Variants in SGCZ observed in about 807,000 individuals in gnomAD.
SGCZ encodes the protein zeta-sarcoglycan.
Under a neutral mutation model 41.3 loss-of-function variants are expected in SGCZ, and 40 were observed. The ratio of observed to expected loss-of-function variants is 0.97; its 90% CI spans 0.75 to 1.26. The LOEUF is 1.26. SGCZ is among the 50% of genes most tolerant of loss of function. The pLI, the probability that SGCZ is intolerant of heterozygous loss-of-function variation, is 0.00. For missense variants in SGCZ, 552 were observed against 369.8 expected (o/e 1.49, Z -4.04); for synonymous variants, 206 against 137.5 (o/e 1.50, Z -3.49).
intron 1 of SGCZ, among the ~76,000 whole-genome samples, chr8:15,051,752 G>A (rs564926065): frequency 9.2e-5 from 14 of 152,274 alleles, no homozygotes; most frequent in African/African-American, 3.1e-4. Context: ...TGAAATTCAT[G>A]TTTATTTAAA....
At chr8:14,741,003 C>T (rs147491573) in intron 1 of SGCZ, among the ~76,000 whole-genome samples, 1 of 152,050 alleles carries the variant, frequency 6.6e-6, no homozygotes, top group African/African-American at 2.4e-5. Context: ...TAATTGGCAC[C>T]TTTAATTATG....
intron 7 of SGCZ, among the ~76,000 whole-genome samples, chr8:14,100,506 T>A (rs1287456475): frequency 6.7e-6 from 1 of 148,204 alleles, no homozygotes; most frequent in East Asian, 1.9e-4. Context: ...GAAATCCTGA[T>A]ATTAATATAT....
intron 3 of SGCZ, among the ~76,000 whole-genome samples, chr8:14,299,681 C>G (rs540542306): frequency 6.6e-6 from 1 of 151,932 alleles, no homozygotes; most frequent in South Asian, 2.1e-4. Flanking sequence ...GGTTGTAGAG[C>G]AATGGGATCT....
chr8:15,032,376 A>G (rs889362519), intron 1 of SGCZ, among the ~76,000 whole-genome samples: 1 of 152,166 alleles, frequency 6.6e-6, no homozygotes, highest in Admixed American at 6.5e-5. Flanking sequence ...CCAACCCTAC[A>G]TACCATGGTG....
At chr8:14,133,992 A>T (rs554762588) in intron 5 of SGCZ, among the ~76,000 whole-genome samples, 56 of 152,298 alleles carry the variant, frequency 3.7e-4, no homozygotes, top group African/African-American at 1.3e-3. Context: ...TTTCAAATTG[A>T]TCCACCAGAA....
At chr8:14,431,852 TC>T (rs1416517057) in intron 2 of SGCZ, among the ~76,000 whole-genome samples, 1 of 151,724 alleles carries the variant, frequency 6.6e-6, no homozygotes, top group Admixed American at 6.6e-5. Context: ...AACAATCCCA[TC>T]AAAAAGTGGG....
At chr8:14,930,978 C>T (rs1342908459) in intron 1 of SGCZ, among the ~76,000 whole-genome samples, 5 of 151,980 alleles carry the variant, frequency 3.3e-5, no homozygotes, top group Non-Finnish European at 5.9e-5. Flanking sequence ...CAAACCGGTA[C>T]GTTCTGCACA....
At chr8:14,771,669 G>A (rs747858576) in intron 1 of SGCZ, among the ~76,000 whole-genome samples, 7 of 151,996 alleles carry the variant, frequency 4.6e-5, no homozygotes, top group Non-Finnish European at 8.8e-5. Context: ...GTCTCAATTT[G>A]TTTGCAATCA....
At chr8:14,126,890 A>G (rs1262125571) in intron 5 of SGCZ, among the ~76,000 whole-genome samples, 1 of 152,024 alleles carries the variant, frequency 6.6e-6, no homozygotes, top group Non-Finnish European at 1.5e-5. Flanking sequence ...AGAAAATCAA[A>G]CACCACATGT....
At chr8:14,799,830 C>T (rs1019830522) in intron 1 of SGCZ, among the ~76,000 whole-genome samples, 1 of 152,150 alleles carries the variant, frequency 6.6e-6, no homozygotes, top group Non-Finnish European at 1.5e-5. Context: ...CAAACATAAC[C>T]TAGCAAATGT....
chr8:14,827,331 G>A (rs1267118889), intron 1 of SGCZ, among the ~76,000 whole-genome samples: 1 of 150,462 alleles, frequency 6.6e-6, no homozygotes, highest in African/African-American at 2.4e-5. Context: ...CTGTCTCCCA[G>A]GTTCAAGCGA....
chr8:14,225,049 C>A (rs1034887358), intron 4 of SGCZ, among the ~76,000 whole-genome samples: 9 of 152,106 alleles, frequency 5.9e-5, no homozygotes, highest in African/African-American at 2.2e-4. Context: ...TAAATGCATT[C>A]TCTTTTAAAG....
chr8:14,818,333 A>G (rs558265247), intron 1 of SGCZ, among the ~76,000 whole-genome samples: 2 of 152,200 alleles, frequency 1.3e-5, no homozygotes, highest in Non-Finnish European at 2.9e-5. Context: ...CACAAACTGT[A>G]CAGCCTACCC....
intron 1 of SGCZ, among the ~76,000 whole-genome samples, chr8:14,673,910 T>C (rs919993769): frequency 3.3e-5 from 5 of 152,198 alleles, no homozygotes; most frequent in Admixed American, 1.3e-4. Context: ...TTCATTTTTA[T>C]TTTAGTTTCA....
chr8:14,589,151 T>A lies in SGCZ; in HGVS notation c.40-34225A>T, dbSNP rs6986183. ...TATACATATGTAACAAACCTGCACG[T>A]TGTGCACATGTACCCTCAAACTTAA... is the stretch of plus-strand genomic sequence containing the variant. On this transcript the variant is annotated intron_variant, in intron 1 of 7. Coordinates refer to ENST00000382080, the MANE Select transcript of SGCZ (RefSeq NM_139167.4). Among the ~76,000 whole-genome samples, 1,275 of 152,126 alleles carry A rather than the reference T, an allele frequency of 8.4e-3. 13 individuals carry two copies. Among genetic ancestry groups the A allele is most frequent in the African/African-American group, 0.029 (1,215 of 41,492 alleles).
intron 1 of SGCZ, among the ~76,000 whole-genome samples, chr8:15,112,524 T>A (rs1200756258): frequency 6.6e-6 from 1 of 152,208 alleles, no homozygotes; most frequent in African/African-American, 2.4e-5. Context: ...TCCTTATGAA[T>A]CTGAACTCTA....
intron 3 of SGCZ, among the ~76,000 whole-genome samples, chr8:14,264,465 AG>A (rs894700766): frequency 6.6e-6 from 1 of 152,192 alleles, no homozygotes; most frequent in Non-Finnish European, 1.5e-5. Flanking sequence ...CCCTTCCTTC[AG>A]GAACAAAACA....
At position 14,272,106 on chromosome 8, in the gene SGCZ, C is replaced by A. The variant is rs562909144; in HGVS notation, c.337-34427G>T. ...GCAAACTCTGCCTCCCAGGTTCAAG[C>A]GATTCTCCTGCCTCAGCCTCCTGAG... On this transcript the variant is annotated intron_variant, in intron 3 of 7. Coordinates refer to ENST00000382080, the MANE Select transcript of SGCZ (RefSeq NM_139167.4). Among the ~76,000 whole-genome samples the A allele has an allele frequency of 5.9e-5, 9 of 152,214 alleles. No homozygotes were observed. In the East Asian group the frequency reaches 1.5e-3, roughly 26 times the overall value.
At chr8:14,095,146 A>T (rs1313673898) in intron 7 of SGCZ, among the ~76,000 whole-genome samples, 1 of 152,110 alleles carries the variant, frequency 6.6e-6, no homozygotes, top group Admixed American at 6.6e-5. Flanking sequence ...CCTATTTGTC[A>T]ATACTGGCTT....
Sources: allele counts gnomAD v4.1 joint callset (sites outside exome capture counted in the v4.1 genomes callset), GRCh38; gene constraint gnomAD v4.1.1; transcripts MANE v1.5; gene names NCBI Gene and HGNC (gene_info 2026-07-23, HGNC 2026-07-21).